Variants in ARHGAP19 observed in about 807,000 individuals in gnomAD.
The protein encoded by ARHGAP19 is rho GTPase-activating protein 19.
In ARHGAP19, 48 loss-of-function variants were observed where a neutral mutation model predicts 60.9. The ratio of observed to expected loss-of-function variants is 0.79; its 90% confidence interval spans 0.62 to 1.00. ARHGAP19 has a LOEUF of 1.00. ARHGAP19 is among the 50% of genes least tolerant of loss of function. ARHGAP19 has a pLI of 0.00. For missense variants in ARHGAP19, 562 were observed against 597.2 expected (o/e 0.94, Z 0.61); for synonymous variants, 209 against 215.5 (o/e 0.97, Z 0.27).
chr10:97,243,590 G>A (rs1016623819), intron 8 of ARHGAP19, among the ~76,000 whole-genome samples: 25 of 152,268 alleles, frequency 1.6e-4, no homozygotes, highest in African/African-American at 6.0e-4. Context: ...TTACAACTTT[G>A]AAACATTGCT....
At chr10:97,265,658 CTTTAG>C (rs1019468265) in intron 2 of ARHGAP19, 197 bp downstream of exon 2, 1 of 588,208 alleles carries the variant, frequency 1.7e-6, no homozygotes, top group East Asian at 3.0e-5. Context: ...AAAATATTTG[CTTTAG>C]TTTAATTATT....
intron 5 of ARHGAP19, among the ~76,000 whole-genome samples, chr10:97,258,023 C>T (rs1003939922): frequency 6.6e-6 from 1 of 152,124 alleles, no homozygotes; most frequent in Admixed American, 6.6e-5. Context: ...TTTTCTTCAA[C>T]ATCTTTTCAT....
chr10:97,235,295 G>A lies in ARHGAP19; in HGVS notation c.1206C>T (p.Thr402=), dbSNP rs1195010117. The change falls in exon 9 of 12, where the codon ACC becomes ACT. Residue 402 remains threonine (T), a synonymous_variant. Transcript: ENST00000358531. ...TAGAAGGTTCTCGCCCTGGTGTCTG[G>A]GTCAATGATTGCTTATTAAACTAAA... The part of the protein sequence containing the change: ...LIRQFNKQSL[T]QTPGREPSTS... 1 of 1,612,974 alleles carries A rather than the reference G, an allele frequency of 6.2e-7. No homozygotes were observed. The highest frequency in any genetic ancestry group is 1.3e-5 in the African/African-American group (1 of 74,854).
intron 8 of ARHGAP19, among the ~76,000 whole-genome samples, chr10:97,236,033 T>G (rs1243340631): frequency 6.6e-6 from 1 of 152,188 alleles, no homozygotes; most frequent in Non-Finnish European, 1.5e-5. Flanking sequence ...TGGAGCGCAG[T>G]GGCACAATCT....
At chr10:97,269,062 A>G (rs1188741493) in intron 1 of ARHGAP19, among the ~76,000 whole-genome samples, 1 of 152,188 alleles carries the variant, frequency 6.6e-6, no homozygotes, top group Non-Finnish European at 1.5e-5. Context: ...TCATACAAAC[A>G]TACCCACAGT....
At position 97,246,349 on chromosome 10, in the gene ARHGAP19, A is replaced by G; in HGVS notation, c.928-12T>C. ...ATGTAAGCAGGAGCCTGGGCAGGAC[A>G]TAAAAGAAAACCAAAACCCAGTGAT... On this transcript the variant is annotated splice_polypyrimidine_tract_variant and intron_variant, in intron 6 of 11. Transcript: ENST00000358531. 6.2e-7 allele frequency: 1 copy of G among 1,611,198 alleles called. No homozygotes were observed. The highest frequency in any genetic ancestry group is 1.1e-5 in the South Asian group (1 of 90,902).
intron 8 of ARHGAP19, among the ~76,000 whole-genome samples, chr10:97,241,636 C>T (rs1032594531): frequency 7.3e-5 from 11 of 150,518 alleles, no homozygotes; most frequent in African/African-American, 2.7e-4. Context: ...TTGCTTGAAC[C>T]CAGGAGGCAG....
At chr10:97,228,279 T>G (rs375788770) in intron 11 of ARHGAP19, among the ~76,000 whole-genome samples, 12 of 152,360 alleles carry the variant, frequency 7.9e-5, no homozygotes, top group Admixed American at 7.2e-4. Context: ...AAAACAATCA[T>G]GTCAAACCAG....
At chr10:97,228,577 T>C (rs1245435287) in intron 11 of ARHGAP19, among the ~76,000 whole-genome samples, 1 of 152,194 alleles carries the variant, frequency 6.6e-6, no homozygotes, top group East Asian at 1.9e-4. Flanking sequence ...GTCTTTCCAT[T>C]GACCCACTTG....
At chr10:97,292,495 C>T (rs1165661326) in intron 1 of ARHGAP19, 77 bp downstream of exon 1, 12 of 1,553,702 alleles carry the variant, frequency 7.7e-6, no homozygotes, top group East Asian at 2.2e-5. Context: ...CGTGCGCCTC[C>T]GTGACCCAAG....
chr10:97,261,880 T>A (rs1564722849), intron 4 of ARHGAP19, among the ~76,000 whole-genome samples: 1 of 152,152 alleles, frequency 6.6e-6, no homozygotes, highest in African/African-American at 2.4e-5. Context: ...CACATGGGTA[T>A]AAAGCAGTAT....
chr10:97,260,402 C>T (rs1006128970), intron 4 of ARHGAP19, among the ~76,000 whole-genome samples: 3 of 151,532 alleles, frequency 2.0e-5, no homozygotes, highest in Non-Finnish European at 4.4e-5. Flanking sequence ...TGGTGGTGGG[C>T]GCCTGTAGTC....
chr10:97,246,266 T>C lies in ARHGAP19; in HGVS notation c.993+6A>G. 1.2e-6 allele frequency: 2 copies of C among 1,612,602 alleles called. No homozygotes were observed. Among genetic ancestry groups the C allele is most frequent in the Non-Finnish European group, 1.7e-6 (2 of 1,178,722 alleles). On this transcript the variant is annotated splice_donor_region_variant and intron_variant, in intron 7 of 11. Coordinates refer to ENST00000358531, the MANE Select transcript of ARHGAP19 (RefSeq NM_032900.6). Reference sequence around the variant, plus strand: ...GTTTGGGTTAAGAGCAGATTCCTATTCTTACCTTTGATGCCTGAGTTCTGG... The same window carrying C: ...GTTTGGGTTAAGAGCAGATTCCTATCCTTACCTTTGATGCCTGAGTTCTGG...
chr10:97,272,153 T>TTTTTTTTTTTTTTTTTTTTTTTTTTTC (rs1277947142), intron 1 of ARHGAP19, among the ~76,000 whole-genome samples: 1 of 147,580 alleles, frequency 6.8e-6, no homozygotes, highest in Non-Finnish European at 1.5e-5. Flanking sequence ...TTTTTTTTTT[T>TTTTTTTTTTTTTTTTTTTTTTTTTTTC]CAGACAGAGT....
At chr10:97,237,967 C>T (rs1842409061) in intron 8 of ARHGAP19, among the ~76,000 whole-genome samples, 1 of 151,574 alleles carries the variant, frequency 6.6e-6, no homozygotes, top group African/African-American at 2.4e-5. Flanking sequence ...TACCTTTTAC[C>T]ATTATTTTAG....
At chr10:97,252,776 C>CAT (rs1842703484) in intron 6 of ARHGAP19, among the ~76,000 whole-genome samples, 1 of 152,118 alleles carries the variant, frequency 6.6e-6, no homozygotes, top group Non-Finnish European at 1.5e-5. Flanking sequence ...ATAGAACTAC[C>CAT]ATATAATACA....
intron 1 of ARHGAP19, among the ~76,000 whole-genome samples, chr10:97,273,962 TACACACACAC>T (rs55827822): frequency 6.7e-6 from 1 of 149,866 alleles, no homozygotes; most frequent in Non-Finnish European, 1.5e-5. Context: ...AAGCCACACA[TACACACACAC>T]ACACACAAAC....
intron 8 of ARHGAP19, among the ~76,000 whole-genome samples, chr10:97,238,413 G>C (rs566342456): frequency 6.6e-6 from 1 of 152,208 alleles, no homozygotes; most frequent in South Asian, 2.1e-4. Context: ...GTGGATACAA[G>C]GTCAATGCTG....
chr10:97,278,813 A>T (rs1028876769), intron 1 of ARHGAP19, among the ~76,000 whole-genome samples: 8 of 2,834 alleles, frequency 2.8e-3, no homozygotes, highest in African/African-American at 3.3e-3. Flanking sequence ...AAGGCAGTTA[A>T]AAAAAAAAAA....
Sources: gnomAD v4.1 joint callset for allele counts (sites outside exome capture counted in the v4.1 genomes callset) on GRCh38, gnomAD v4.1.1 for gene constraint, MANE v1.5 for transcripts, NCBI Gene and HGNC (gene_info 2026-07-23, HGNC 2026-07-21) for gene names.